The following CATSPERB variants were observed in gnomAD, a reference collection of about 807,000 sequenced individuals.
CATSPERB encodes the protein catsper channel auxiliary subunit beta.
CATSPERB carries 93 observed loss-of-function variants against 128.3 expected under a neutral mutation model. The ratio of observed to expected loss-of-function variants is 0.72; its 90% CI spans 0.61 to 0.86. CATSPERB has a LOEUF of 0.86. Among genes scored for constraint, CATSPERB ranks in the 40% least tolerant of loss-of-function variants. The pLI is 0.00. For synonymous variants in CATSPERB, 381 were observed against 448.8 expected, an observed-to-expected ratio of 0.85 and a Z score of 1.91; for missense variants, 1,153 against 1,329.5, an observed-to-expected ratio of 0.87 and a Z score of 2.06.
chr14:91,727,063 A>C (rs1019199987), intron 2 of CATSPERB, among the ~76,000 whole-genome samples: 1 of 152,210 alleles, frequency 6.6e-6, no homozygotes. Flanking sequence ...TGACTTGTAC[A>C]TGGGCTTGGA....
intron 10 of CATSPERB, among the ~76,000 whole-genome samples, chr14:91,690,006 A>G (rs1595180039): frequency 6.6e-6 from 1 of 152,100 alleles, no homozygotes; most frequent in Admixed American, 6.6e-5. Context: ...TTTAATTTTT[A>G]TTTTGAGACA....
chr14:91,629,318 G>T (rs1163005298), intron 17 of CATSPERB, among the ~76,000 whole-genome samples: 1 of 152,176 alleles, frequency 6.6e-6, no homozygotes, highest in African/African-American at 2.4e-5. Flanking sequence ...TCTGGAAAAG[G>T]CAAAATTATG....
intron 10 of CATSPERB, among the ~76,000 whole-genome samples, chr14:91,689,910 C>T (rs1028700728): frequency 6.6e-6 from 1 of 152,116 alleles, no homozygotes; most frequent in Non-Finnish European, 1.5e-5. Flanking sequence ...AAACTACTGC[C>T]ATTTCTCCTT....
chr14:91,674,214 C>G lies in CATSPERB; in HGVS notation c.940G>C (p.Val314Leu). The change falls in exon 12 of 27, where the codon GTT (valine) becomes CTT (leucine). Residue 314 changes from valine to leucine, a missense_variant. Coordinates refer to ENST00000256343, the MANE Select transcript of CATSPERB (RefSeq NM_024764.4). Reference sequence around the variant, plus strand: ...CTGTTTCTCTCAAAGGTAACTGTAACATAATCAACTGTGAAATAAATACAA... The same window carrying G: ...CTGTTTCTCTCAAAGGTAACTGTAAGATAATCAACTGTGAAATAAATACAA... The part of the protein sequence containing the change: ...ANREHFEVDY[V>L]TVTFERNRTL... 3 of 1,536,586 alleles carry G rather than the reference C, an allele frequency of 2.0e-6. No homozygotes were observed. The highest frequency in any genetic ancestry group is 2.7e-6 in the Non-Finnish European group (3 of 1,119,698).
At chr14:91,713,185 G>A (rs1323079741) in intron 5 of CATSPERB, among the ~76,000 whole-genome samples, 1 of 152,014 alleles carries the variant, frequency 6.6e-6, no homozygotes, top group Admixed American at 6.6e-5. Context: ...GCATGATTGT[G>A]TTCCAATAAA....
At chr14:91,654,966 T>C (rs1423959303) in intron 15 of CATSPERB, among the ~76,000 whole-genome samples, 4 of 78,878 alleles carry the variant, frequency 5.1e-5, no homozygotes, top group African/African-American at 1.5e-4. Flanking sequence ...CTCTTCCTGG[T>C]AATACAGTCT....
At chr14:91,717,291 C>T (rs1197044312) in intron 5 of CATSPERB, among the ~76,000 whole-genome samples, 2 of 151,926 alleles carry the variant, frequency 1.3e-5, no homozygotes, top group Non-Finnish European at 2.9e-5. Context: ...GCAGTGCTCA[C>T]GGTTGTATAC....
chr14:91,721,055 C>T (rs1896020435), intron 4 of CATSPERB, among the ~76,000 whole-genome samples: 1 of 152,106 alleles, frequency 6.6e-6, no homozygotes, highest in Non-Finnish European at 1.5e-5. Context: ...ACCCTTATCT[C>T]ACATCAAATA....
intron 2 of CATSPERB, among the ~76,000 whole-genome samples, chr14:91,728,380 GC>G (rs1896155361): frequency 6.6e-6 from 1 of 152,136 alleles, no homozygotes; most frequent in African/African-American, 2.4e-5. Flanking sequence ...CTCCCAAAGT[GC>G]TGGGATTACA....
At chr14:91,581,603 C>T (rs1893208186) in intron 26 of CATSPERB, among the ~76,000 whole-genome samples, 1 of 152,248 alleles carries the variant, frequency 6.6e-6, no homozygotes, top group South Asian at 2.1e-4. Flanking sequence ...TTTGTAGGTG[C>T]TGCCAGTATA....
intron 15 of CATSPERB, among the ~76,000 whole-genome samples, chr14:91,648,996 T>C (rs1172215872): frequency 6.6e-6 from 1 of 152,014 alleles, no homozygotes; most frequent in African/African-American, 2.4e-5. Flanking sequence ...TGCTTTTTTT[T>C]TTTTTCCTGT....
chr14:91,715,576 ATAT>A (rs1566739359), intron 5 of CATSPERB, among the ~76,000 whole-genome samples: 1 of 148,430 alleles, frequency 6.7e-6, no homozygotes, highest in Non-Finnish European at 1.5e-5. Context: ...AAAAAAAAAG[ATAT>A]TATTGACTTT....
intron 14 of CATSPERB, among the ~76,000 whole-genome samples, chr14:91,664,873 T>C (rs746386553): frequency 2.0e-5 from 3 of 152,174 alleles, no homozygotes; most frequent in African/African-American, 7.2e-5. Context: ...TTGTCCACAA[T>C]CAAAACACAC....
chr14:91,621,696 A>C lies in CATSPERB; in HGVS notation c.2172T>G (p.His724Gln), dbSNP rs201416266. 6.2e-7 allele frequency: 1 copy of C among 1,613,724 alleles called. No individual in the cohort carries two copies. The highest frequency in any genetic ancestry group is 2.2e-5 in the East Asian group (1 of 44,870). Residue 724 changes from histidine to glutamine, a missense_variant, in exon 19 of 27, where the codon CAT (histidine) becomes CAG (glutamine). Transcript: ENST00000256343. ...YSKPCNYWFQ[H>Q]DDSPSLNIVK... Reference sequence around the variant, plus strand: ...CGATGTTGAGGGATGGTGAATCATCATGTTGAAACCAATAATTACATGGTT... The same window carrying C: ...CGATGTTGAGGGATGGTGAATCATCCTGTTGAAACCAATAATTACATGGTT...
chr14:91,724,062 T>C (rs116785824), intron 3 of CATSPERB, among the ~76,000 whole-genome samples: 446 of 152,314 alleles, frequency 2.9e-3, no homozygotes, highest in Middle Eastern at 0.01. Context: ...AATGTATAGA[T>C]TAAATGTCAT....
chr14:91,585,181 TA>T (rs1456629983), intron 26 of CATSPERB, among the ~76,000 whole-genome samples: 1 of 152,026 alleles, frequency 6.6e-6, no homozygotes, highest in East Asian at 1.9e-4. Flanking sequence ...CATGCCTGGC[TA>T]ATTTTTTTGT....
chr14:91,668,605 A>G (rs967620240), intron 14 of CATSPERB, among the ~76,000 whole-genome samples: 4 of 152,220 alleles, frequency 2.6e-5, no homozygotes, highest in African/African-American at 9.6e-5. Flanking sequence ...GCTCTTCACA[A>G]TAAGTCTTGC....
chr14:91,703,876 C>T (rs777264398), intron 7 of CATSPERB, among the ~76,000 whole-genome samples: 1 of 152,082 alleles, frequency 6.6e-6, no homozygotes, highest in Non-Finnish European at 1.5e-5. Flanking sequence ...GGGACCTCCC[C>T]AAATTATAAT....
At chr14:91,597,973 A>G (rs1480133683) in intron 22 of CATSPERB, among the ~76,000 whole-genome samples, 1 of 151,852 alleles carries the variant, frequency 6.6e-6, no homozygotes, top group Non-Finnish European at 1.5e-5. Context: ...TGACAACTTG[A>G]TTATATAAAA....
Sources: gnomAD v4.1 joint callset for allele counts (sites outside exome capture counted in the v4.1 genomes callset) on GRCh38, gnomAD v4.1.1 for gene constraint, MANE v1.5 for transcripts, NCBI Gene and HGNC (gene_info 2026-07-23, HGNC 2026-07-21) for gene names.